The following STK11IP variants were observed in gnomAD, a reference collection of about 807,000 sequenced individuals.
STK11IP encodes serine/threonine-protein kinase 11-interacting protein.
In STK11IP, 103 loss-of-function variants were observed where a neutral mutation model predicts 131.7. The observed-to-expected ratio is 0.78, with a 90% CI of 0.67 to 0.92. STK11IP has a LOEUF of 0.92. Ranked by LOEUF, STK11IP falls within the 40% of genes least tolerant of loss-of-function variation. STK11IP has a pLI of 0.00. For synonymous variants in STK11IP, 557 were observed against 575.6 expected (o/e 0.97, Z 0.46); for missense variants, 1,315 against 1,385.7 (o/e 0.95, Z 0.81).
intron 17 of STK11IP, among the ~76,000 whole-genome samples, chr2:219,610,330 G>C (rs904665886): frequency 1.3e-5 from 2 of 152,198 alleles, no homozygotes; most frequent in Non-Finnish European, 2.9e-5. Context: ...ATGAGGTGCT[G>C]TGGTCTCTGG....
In STK11IP at chr2:219,615,187, C is replaced by T. The variant is rs1175507991; in HGVS notation, c.2963C>T (p.Pro988Leu). ...GCAGGGTCCCCGGCAGAGCCCTCTC[C>T]TCCAGCAGCATCTGGCGAAGCCTCT... is the stretch of plus-strand genomic sequence containing the variant. The part of the protein sequence containing the change: ...DAAGSPAEPS[P>L]PAASGEASEK... The change falls in exon 24 of 25, where the codon CCT becomes CTT. Residue 988 changes from proline (P) to leucine (L), a missense_variant. Coordinates refer to ENST00000456909, the MANE Select transcript of STK11IP (RefSeq NM_052902.4). 6.3e-7 allele frequency: 1 copy of T among 1,599,150 alleles called. No individual in the cohort carries two copies. The highest frequency in any genetic ancestry group is 1.1e-5 in the South Asian group (1 of 88,922).
chr2:219,613,044 C>A, intron 19 of STK11IP, 84 bp from the exon 20 acceptor site: 1 of 1,072,490 alleles, frequency 9.3e-7, no homozygotes, highest in Non-Finnish European at 1.4e-6. Context: ...GCCGAGGGTG[C>A]TGTCACCAGG....
Position 219,606,774 on chromosome 2 carries a change from T to C in STK11IP, c.1050T>C (p.Thr350=). Reference sequence around the variant, plus strand: ...CTTTGCCCTGGCCAGTGGGGAGTACTCCTGAAACCTCAGGTGGCCCTGACC... The same window carrying C: ...CTTTGCCCTGGCCAGTGGGGAGTACCCCTGAAACCTCAGGTGGCCCTGACC... The part of the protein sequence containing the change: ...GPPLPWPVGS[T]PETSGGPDLS... Residue 350 remains threonine, a synonymous_variant, in exon 12 of 25, where the codon ACT becomes ACC. Transcript: ENST00000456909. 6.2e-7 allele frequency: 1 copy of C among 1,613,818 alleles called. No individual in the cohort carries two copies. The highest frequency in any genetic ancestry group is 8.5e-7 in the Non-Finnish European group (1 of 1,179,864).
chr2:219,600,890 G>GGT (rs1406019331), intron 2 of STK11IP, among the ~76,000 whole-genome samples: 1 of 152,158 alleles, frequency 6.6e-6, no homozygotes, highest in African/African-American at 2.4e-5. Context: ...GGTGGAAGGG[G>GGT]GTGTCTCATA....
chr2:219,598,311 T>C (rs1490746578), intron 2 of STK11IP, 131 bp downstream of exon 2: 1 of 670,692 alleles, frequency 1.5e-6, no homozygotes, highest in East Asian at 3.3e-5. Context: ...TCAATTTCTT[T>C]ACTTTTCCCA....
At chr2:219,605,769 G>T in intron 8 of STK11IP, 35 bp downstream of exon 8, 2 of 1,588,718 alleles carry the variant, frequency 1.3e-6, no homozygotes, top group South Asian at 1.1e-5. Context: ...AAGCATGGAG[G>T]GGAAGGGGGA....
chr2:219,601,774 G>C, intron 4 of STK11IP, 59 bp downstream of exon 4: 1 of 1,546,766 alleles, frequency 6.5e-7, no homozygotes, highest in South Asian at 1.2e-5. Flanking sequence ...GCCCCTTGGG[G>C]ATGGGAAAGA....
chr2:219,602,139 A>G, intron 5 of STK11IP, 56 bp downstream of exon 5: 6 of 1,311,324 alleles, frequency 4.6e-6, no homozygotes, highest in Non-Finnish European at 6.4e-6. Flanking sequence ...GTAGAAGACC[A>G]AGCTCTGATG....
Position 219,608,215 on chromosome 2 carries a change from C to T in STK11IP, c.1388C>T (p.Pro463Leu). The change falls in exon 14 of 25, where the codon CCC becomes CTC. Residue 463 changes from proline (P) to leucine (L), a missense_variant. Coordinates refer to ENST00000456909, the MANE Select transcript of STK11IP (RefSeq NM_052902.4). ...PSAPPASSQG[P>L]DTAPRPSPPQ... ...GCACCTCCAGCCAGCTCCCAGGGCC[C>T]CGACACTGCACCCAGACCTTCACCC... 6.2e-7 allele frequency: 1 copy of T among 1,613,654 alleles called. No homozygotes were observed. Among genetic ancestry groups the T allele is most frequent in the Non-Finnish European group, 8.5e-7 (1 of 1,179,870 alleles).
chr2:219,615,848 G>T, intron 24 of STK11IP, 196 bp from the exon 25 acceptor site: 1 of 770,938 alleles, frequency 1.3e-6, no homozygotes, highest in South Asian at 1.5e-5. Context: ...TCCTCTGGAG[G>T]CTTTCAGTAA....
intron 2 of STK11IP, 160 bp downstream of exon 2, chr2:219,598,340 G>GC: frequency 5.2e-6 from 3 of 572,570 alleles, no homozygotes; most frequent in East Asian, 3.4e-5. Flanking sequence ...CGCCCTTACA[G>GC]TGTCCTTTGC....
At chr2:219,598,450 G>C (rs1697871928) in intron 2 of STK11IP, 1 of 398,564 alleles carries the variant, frequency 2.5e-6, no homozygotes, top group Non-Finnish European at 4.4e-6. Context: ...ATCATTACCT[G>C]ACTAAAAGCC....
In STK11IP at chr2:219,597,927, T is replaced by A; in HGVS notation, c.-27+4T>A. The stretch of plus-strand genomic sequence containing the variant: ...GAGGACCAGACGGGGAGGTTCGGTA[T>A]GTCTGACCAGGACTTATGTTCCTCG... On this transcript the variant is annotated splice_donor_region_variant and intron_variant, in intron 1 of 24. Coordinates refer to ENST00000456909, the MANE Select transcript of STK11IP (RefSeq NM_052902.4). 7.4e-6 allele frequency: 12 copies of A among 1,612,376 alleles called. No homozygotes were observed. Among genetic ancestry groups the A allele is most frequent in the Non-Finnish European group, 1.0e-5 (12 of 1,179,254 alleles).
rs1574622857 is a variant in STK11IP, at chr2:219,608,165, C to T, written c.1338C>T (p.Ala446=). ...HLEPSGNPLP[A]TPTTSAPSAP... is the part of the protein sequence containing the mutation. The stretch of plus-strand genomic sequence containing the variant: ...AGCCCTCCGGAAACCCTCTGCCGGC[C>T]ACCCCCACTACTTCTGCACCCAGTG... Residue 446 remains alanine, a synonymous_variant, in exon 14 of 25, where the codon GCC becomes GCT. Transcript: ENST00000456909. 5 of 1,613,640 alleles carry T rather than the reference C, an allele frequency of 3.1e-6. No homozygotes were observed. The highest frequency in any genetic ancestry group is 2.5e-6 in the Non-Finnish European group (3 of 1,179,890).
chr2:219,611,505 C>T, intron 17 of STK11IP, 99 bp from the exon 18 acceptor site: 5 of 1,053,958 alleles, frequency 4.7e-6, no homozygotes, highest in Non-Finnish European at 7.2e-6. Context: ...GGCTTGGGCT[C>T]AGGGGAGACC....
Position 219,608,373 on chromosome 2 carries a change from G to T in STK11IP, c.1546G>T (p.Gly516Ter). 6.3e-7 allele frequency: 1 copy of T among 1,580,534 alleles called. No homozygotes were observed. Among genetic ancestry groups the T allele is most frequent in the Non-Finnish European group, 8.6e-7 (1 of 1,163,402 alleles). Residue 516 changes from glycine (G) to a stop codon, truncating the protein, a stop_gained, in exon 14 of 25, where the codon GGA becomes TGA. Transcript: ENST00000456909. LOFTEE classifies it high-confidence loss of function. The part of the protein sequence containing the change: ...EKEEGEMVEQ[G>*]EEEAGEEEEE... ...GGAGGAGGGGGAGATGGTGGAACAG[G>T]GAGAAGAGGAGGCAGGAGAGGAGGA...
chr2:219,612,427 C>G (rs1366567423), intron 19 of STK11IP, among the ~76,000 whole-genome samples: 2 of 152,226 alleles, frequency 1.3e-5, no homozygotes, highest in African/African-American at 4.8e-5. Context: ...ACAGATCAAT[C>G]TTGCCCTTGA....
chr2:219,606,410 T>C lies in STK11IP; in HGVS notation c.946-66T>C, dbSNP rs141939911. On this transcript the variant is annotated intron_variant, in intron 10 of 24. Transcript: ENST00000456909. The stretch of plus-strand genomic sequence containing the variant: ...GACCTGGACCCTGCTTACTGTGTTC[T>C]TAATACCTGGAGCTCAGCAGGATGG... 2,783 of 1,572,558 alleles carry C rather than the reference T, an allele frequency of 1.8e-3. 37 individuals carry two copies. The African/African-American group carries it at 0.033, about 19-fold the overall frequency.
intron 17 of STK11IP, among the ~76,000 whole-genome samples, chr2:219,610,674 C>T (rs1698367297): frequency 6.6e-6 from 1 of 152,228 alleles, no homozygotes; most frequent in Non-Finnish European, 1.5e-5. Context: ...GCTGGGATTA[C>T]AGGCGTGAGC....
Sources: gnomAD v4.1 joint callset for allele counts (sites outside exome capture counted in the v4.1 genomes callset) on GRCh38, gnomAD v4.1.1 for gene constraint, MANE v1.5 for transcripts, NCBI Gene and HGNC (gene_info 2026-07-23, HGNC 2026-07-21) for gene names.